Variants in CBL observed in about 807,000 individuals in gnomAD.
CBL encodes Cbl proto-oncogene.
CBL carries 45 observed loss-of-function variants against 96.9 expected under a neutral mutation model. The ratio of observed to expected loss-of-function variants is 0.46; its 90% CI spans 0.37 to 0.60. CBL has a LOEUF of 0.60. CBL is among the 20% of genes least tolerant of loss of function. The pLI is 0.00. For synonymous variants in CBL, 420 were observed against 426.8 expected (o/e 0.98, Z 0.20); for missense variants, 1,024 against 1,143.5 (o/e 0.90, Z 1.51).
chr11:119,275,155 T>G (rs1157598941), intron 5 of CBL, among the ~76,000 whole-genome samples: 1 of 152,212 alleles, frequency 6.6e-6, no homozygotes, highest in African/African-American at 2.4e-5. Context: ...AGAATTGAAT[T>G]TATGGCCGGG....
chr11:119,256,551 T>A (rs1290656716), intron 2 of CBL, among the ~76,000 whole-genome samples: 1 of 152,134 alleles, frequency 6.6e-6, no homozygotes, highest in African/African-American at 2.4e-5. Context: ...TTTTTTTAGA[T>A]TTTTCTTTTT....
intron 1 of CBL, among the ~76,000 whole-genome samples, chr11:119,216,220 C>T (rs1196210491): frequency 1.3e-5 from 2 of 152,212 alleles, no homozygotes; most frequent in Non-Finnish European, 2.9e-5. Context: ...TGTTTGCTGC[C>T]TTCCCTGTGG....
At chr11:119,261,064 C>T (rs767354507) in intron 2 of CBL, among the ~76,000 whole-genome samples, 1 of 150,276 alleles carries the variant, frequency 6.7e-6, no homozygotes, top group Non-Finnish European at 1.5e-5. Context: ...AGGTGTGCGC[C>T]ACCACGCCTG....
At chr11:119,271,248 T>G (rs2135296521) in intron 2 of CBL, among the ~76,000 whole-genome samples, 1 of 152,384 alleles carries the variant, frequency 6.6e-6, no homozygotes, top group South Asian at 2.1e-4. Context: ...CATAAGTTCT[T>G]ACACTTATTT....
intron 2 of CBL, among the ~76,000 whole-genome samples, chr11:119,266,837 C>G (rs1038298065): frequency 6.6e-6 from 1 of 152,108 alleles, no homozygotes; most frequent in Non-Finnish European, 1.5e-5. Context: ...CAGTACTGCT[C>G]GCTGCTGCTG....
At position 119,303,584 on chromosome 11, in the gene CBL, A is replaced by G. The variant is rs766065912; in HGVS notation, c.*3803A>G. On this transcript the variant is annotated 3_prime_UTR_variant, in exon 16 of 16. Coordinates refer to ENST00000264033, the MANE Select transcript of CBL (RefSeq NM_005188.4). ...TAGACTTACCTTTCCTCATAGAGCT[A>G]TCCTGGTTAATAACAGGCCAAGATT... 1 of 233,634 alleles carries G rather than the reference A, an allele frequency of 4.3e-6. No individual in the cohort carries two copies. The highest frequency in any genetic ancestry group is 2.2e-5 in the African/African-American group (1 of 45,348). The allele number at this position is 233,634 out of a possible 1,614,324, so 14.5% of individuals were successfully genotyped here. A position where few individuals can be genotyped will look rare whatever the true frequency, so the allele number is the denominator to read the frequency against.
At chr11:119,253,328 A>G (rs959947627) in intron 2 of CBL, among the ~76,000 whole-genome samples, 2 of 151,538 alleles carry the variant, frequency 1.3e-5, no homozygotes, top group African/African-American at 4.9e-5. Context: ...TGATTAAAAG[A>G]AAATTAGAGC....
intron 1 of CBL, among the ~76,000 whole-genome samples, chr11:119,215,773 G>T (rs1284134152): frequency 6.6e-6 from 1 of 152,062 alleles, no homozygotes; most frequent in East Asian, 1.9e-4. Flanking sequence ...GCTACAGTGA[G>T]CTGAGTTTGT....
intron 1 of CBL, among the ~76,000 whole-genome samples, chr11:119,217,222 A>C (rs138236018): frequency 6.6e-6 from 1 of 152,078 alleles, no homozygotes; most frequent in Non-Finnish European, 1.5e-5. Flanking sequence ...GGTTCAAGCA[A>C]TTCTCCTGCT....
At chr11:119,290,531 A>G (rs1267904347) in intron 12 of CBL, among the ~76,000 whole-genome samples, 4 of 149,660 alleles carry the variant, frequency 2.7e-5, no homozygotes, top group Non-Finnish European at 5.9e-5. Context: ...GGGCACCTGT[A>G]GTCCCAGCTA....
At position 119,304,387 on chromosome 11, in the gene CBL, C is replaced by A. The variant is rs1207665083; in HGVS notation, c.*4606C>A. 2 of 232,872 alleles carry A rather than the reference C, an allele frequency of 8.6e-6. No individual in the cohort carries two copies. The highest frequency in any genetic ancestry group is 1.1e-4 in the Admixed American group (2 of 17,720). 14.4% of individuals were successfully genotyped at this position (232,872 alleles called of 1,614,324 possible). On this transcript the variant is annotated 3_prime_UTR_variant, in exon 16 of 16. Coordinates refer to ENST00000264033, the MANE Select transcript of CBL (RefSeq NM_005188.4). ...GATCCAAGAAACAGAAATGTTCAAGCGGAATAAAGGAGGGAGTGGAGTTGT... is the reference window on the plus strand; with the variant it reads ...GATCCAAGAAACAGAAATGTTCAAGAGGAATAAAGGAGGGAGTGGAGTTGT...
rs142667314 is a variant in CBL, at chr11:119,287,688, G to A, written c.1942-164G>A. ...TAAACTTTACATTTGAAGGTTCTTC[G>A]GAGCCTTAAGGCCCCTAAGCGTTTG... is the stretch of plus-strand genomic sequence containing the variant. On this transcript the variant is annotated intron_variant, in intron 11 of 15. Transcript: ENST00000264033. Among the ~76,000 whole-genome samples the A allele has an allele frequency of 1.8e-4, 27 of 152,186 alleles. No homozygotes were observed. The East Asian group carries it at 5.0e-3, about 28-fold the overall frequency.
intron 1 of CBL, among the ~76,000 whole-genome samples, chr11:119,212,310 T>C (rs1949324573): frequency 6.6e-6 from 1 of 152,158 alleles, no homozygotes; most frequent in Non-Finnish European, 1.5e-5. Context: ...TAAAAAAAAT[T>C]ACATTTTTTT....
chr11:119,301,013 C>T lies in CBL; in HGVS notation c.*1232C>T, dbSNP rs1471495091. The stretch of plus-strand genomic sequence containing the variant: ...TTCAGCAGTGGTTTTTTCCTTTGCC[C>T]TTTAAGGAGTGGGGATAATGTCCAC... On this transcript the variant is annotated 3_prime_UTR_variant, in exon 16 of 16. Coordinates refer to ENST00000264033, the MANE Select transcript of CBL (RefSeq NM_005188.4). The T allele has an allele frequency of 4.3e-6, 1 of 233,586 alleles. No individual in the cohort carries two copies. Among genetic ancestry groups the T allele is most frequent in the African/African-American group, 2.2e-5 (1 of 45,328 alleles). 14.5% of individuals were successfully genotyped at this position (233,586 alleles called of 1,614,324 possible).
intron 2 of CBL, among the ~76,000 whole-genome samples, chr11:119,250,465 A>G (rs1251530364): frequency 6.6e-6 from 1 of 152,162 alleles, no homozygotes; most frequent in Non-Finnish European, 1.5e-5. Context: ...TGTGAACTCC[A>G]GATGCCTTGG....
intron 2 of CBL, among the ~76,000 whole-genome samples, chr11:119,247,201 G>A (rs1031745619): frequency 3.9e-5 from 6 of 152,116 alleles, no homozygotes; most frequent in African/African-American, 7.2e-5. Flanking sequence ...GTTCCATACC[G>A]TACATGAAAA....
intron 2 of CBL, among the ~76,000 whole-genome samples, chr11:119,257,990 G>A (rs1030181085): frequency 6.6e-6 from 1 of 152,102 alleles, no homozygotes; most frequent in African/African-American, 2.4e-5. Flanking sequence ...ACTTTTGGAG[G>A]CTGAGGCAGG....
At chr11:119,254,916 A>G (rs1949699941) in intron 2 of CBL, among the ~76,000 whole-genome samples, 1 of 152,040 alleles carries the variant, frequency 6.6e-6, no homozygotes, top group Non-Finnish European at 1.5e-5. Flanking sequence ...GTATTTTTTG[A>G]GAACTTGTTC....
intron 1 of CBL, among the ~76,000 whole-genome samples, chr11:119,230,470 A>G (rs1481819293): frequency 6.6e-6 from 1 of 152,212 alleles, no homozygotes; most frequent in Non-Finnish European, 1.5e-5. Flanking sequence ...TGTGAAATAA[A>G]AACGAGAATG....
Sources: gnomAD v4.1 joint callset for allele counts (sites outside exome capture counted in the v4.1 genomes callset) on GRCh38, gnomAD v4.1.1 for gene constraint, MANE v1.5 for transcripts, NCBI Gene and HGNC (gene_info 2026-07-23, HGNC 2026-07-21) for gene names.